The following LMX1B variants were observed in gnomAD, a reference collection of about 807,000 sequenced individuals.
The protein encoded by LMX1B is LIM homeobox transcription factor 1-beta.
Under a neutral mutation model 51.4 loss-of-function variants are expected in LMX1B, and 12 were observed. The observed-to-expected ratio is 0.23, with a 90% CI of 0.15 to 0.38. LMX1B has a LOEUF of 0.38. LMX1B is among the 10% of genes least tolerant of loss of function. The probability of loss-of-function intolerance (pLI) is 1.00; values close to 1 mark genes in which losing one functional copy is unlikely to be tolerated. For synonymous variants in LMX1B, 237 were observed against 235.4 expected, an observed-to-expected ratio of 1.01 and a Z score of -0.06; for missense variants, 445 against 571.1, an observed-to-expected ratio of 0.78 and a Z score of 2.25.
chr9:126,685,204 C>T (rs931675933), intron 2 of LMX1B, among the ~76,000 whole-genome samples: 1 of 151,988 alleles, frequency 6.6e-6, no homozygotes, highest in South Asian at 2.1e-4. Context: ...TAGCAAGATG[C>T]AAAGGAAGGG....
At position 126,695,551 on chromosome 9, in the gene LMX1B, A is replaced by T. The variant is rs2030294347; in HGVS notation, c.887-288A>T. Among the ~76,000 whole-genome samples, 1 of 152,168 alleles carries T rather than the reference A, an allele frequency of 6.6e-6. No individual in the cohort carries two copies. Among genetic ancestry groups the T allele is most frequent in the South Asian group, 2.1e-4 (1 of 4,828 alleles). On this transcript the variant is annotated intron_variant, in intron 6 of 7. Transcript: ENST00000373474. The surrounding 1 kb of genome is among the most constrained non-coding windows in gnomAD (Gnocchi z 5.2). The stretch of plus-strand genomic sequence containing the variant: ...CTTGGTGCTCCCAGATGCAGCGCAG[A>T]ATCACTATTGCCTGTGTGGGGTCTG...
At chr9:126,655,566 G>T (rs1402976022) in intron 2 of LMX1B, among the ~76,000 whole-genome samples, 1 of 152,146 alleles carries the variant, frequency 6.6e-6, no homozygotes, top group Non-Finnish European at 1.5e-5. Context: ...CTCCTGTTTT[G>T]TTCACGGATG....
chr9:126,639,966 T>C (rs988158715), intron 2 of LMX1B, among the ~76,000 whole-genome samples: 1 of 152,348 alleles, frequency 6.6e-6, no homozygotes, highest in East Asian at 1.9e-4. Context: ...GGTAGTTTAT[T>C]GTTTGGCATT....
At chr9:126,691,671 G>T (rs2118988677) in intron 3 of LMX1B, among the ~76,000 whole-genome samples, 1 of 152,162 alleles carries the variant, frequency 6.6e-6, no homozygotes, top group Middle Eastern at 3.4e-3. Flanking sequence ...GCTCCACAGG[G>T]GTCTTCACCA....
intron 2 of LMX1B, among the ~76,000 whole-genome samples, chr9:126,639,476 C>T (rs1231083892): frequency 6.6e-6 from 1 of 152,262 alleles, no homozygotes; most frequent in African/African-American, 2.4e-5. Flanking sequence ...GGGCTGGAGG[C>T]TCTTCAGCTG....
At chr9:126,645,286 C>T (rs1299883483) in intron 2 of LMX1B, among the ~76,000 whole-genome samples, 1 of 150,132 alleles carries the variant, frequency 6.7e-6, no homozygotes, top group Non-Finnish European at 1.5e-5. Context: ...CTCCCCTGGG[C>T]CTAGTCAGCC....
intron 2 of LMX1B, among the ~76,000 whole-genome samples, chr9:126,647,272 A>G (rs1835919913): frequency 6.6e-6 from 1 of 152,154 alleles, no homozygotes; most frequent in African/African-American, 2.4e-5. Context: ...CAAAGAAATG[A>G]AAGATCCTTC....
chr9:126,614,567 G>C lies in LMX1B; in HGVS notation c.118G>C (p.Ala40Pro). ...GGAGCACGCCCTGCGCCCCGGGCCCGCCACTCTGGGGGTGCTGCTGGGTGA... is the reference window on the plus strand; with the variant it reads ...GGAGCACGCCCTGCGCCCCGGGCCCCCCACTCTGGGGGTGCTGCTGGGTGA... Reference protein sequence around the residue: ...MEEHALRPGPATLGVLLGSDC... With the variant: ...MEEHALRPGPPTLGVLLGSDC... Residue 40 changes from alanine to proline, a missense_variant, in exon 1 of 8, where the codon GCC (alanine) becomes CCC (proline). Ala to Pro is a conservative substitution (Grantham distance 27). Transcript: ENST00000373474. 6.2e-7 allele frequency: 1 copy of C among 1,601,746 alleles called. No homozygotes were observed. Among genetic ancestry groups the C allele is most frequent in the African/African-American group, 1.3e-5 (1 of 74,694 alleles).
intron 2 of LMX1B, among the ~76,000 whole-genome samples, chr9:126,664,614 G>A (rs1383978054): frequency 2.0e-5 from 3 of 152,170 alleles, no homozygotes; most frequent in South Asian, 2.1e-4. Flanking sequence ...GGTGGCTCAC[G>A]CTTGTAATCC....
chr9:126,683,164 G>T (rs1027403901), intron 2 of LMX1B, among the ~76,000 whole-genome samples: 1 of 150,964 alleles, frequency 6.6e-6, no homozygotes, highest in African/African-American at 2.4e-5. Context: ...GCCCGGCCCC[G>T]ACGCGGCGAG....
chr9:126,660,130 C>CTACACTGGCTTCAGAGATTGTCT (rs1836210392), intron 2 of LMX1B, among the ~76,000 whole-genome samples: 4 of 74,408 alleles, frequency 5.4e-5, no homozygotes, highest in African/African-American at 9.9e-5. Context: ...AGAGATTGTC[C>CTACACTGGCTTCAGAGATTGTCT]TGTGTGGGGA....
rs550942133 is a variant in LMX1B at position 126,658,226 on chromosome 9, G to A, written c.327-32610G>A. On this transcript the variant is annotated intron_variant, in intron 2 of 7. Coordinates refer to ENST00000373474, the MANE Select transcript of LMX1B (RefSeq NM_001174147.2). This position sits in a 1 kb window ranked among gnomAD's most constrained non-coding sequence, Gnocchi z 4.0. The stretch of plus-strand genomic sequence containing the variant: ...GAGTGGGACAGGGCAGGAGGGGGGT[G>A]AGTCTACAAAGGGTACCAAATGTCA... 6.6e-6 allele frequency among the ~76,000 whole-genome samples: 1 copy of A among 152,194 alleles called. No individual in the cohort carries two copies. Among genetic ancestry groups the A allele is most frequent in the Non-Finnish European group, 1.5e-5 (1 of 67,988 alleles).
chr9:126,676,066 AT>A (rs990360444), intron 2 of LMX1B, among the ~76,000 whole-genome samples: 4 of 149,012 alleles, frequency 2.7e-5, no homozygotes, highest in African/African-American at 1.0e-4. Context: ...AAAAAAAAAA[AT>A]GTTCAGTAGA....
rs1835543753 is a variant in LMX1B, at chr9:126,626,860, G to A, written c.326+11291G>A. On this transcript the variant is annotated intron_variant, in intron 2 of 7. Transcript: ENST00000373474. This position sits in a 1 kb window ranked among gnomAD's most constrained non-coding sequence, Gnocchi z 4.3. ...CAAACGGCCCGCGGGAACCGGCCGA[G>A]TTCAGAGGGACAGTGGGCCGAAGGG... Among the ~76,000 whole-genome samples the A allele has an allele frequency of 6.6e-6, 1 of 152,174 alleles. No individual in the cohort carries two copies. The highest frequency in any genetic ancestry group is 1.5e-5 in the Non-Finnish European group (1 of 68,032).
At chr9:126,657,156 A>G (rs1277012666) in intron 2 of LMX1B, among the ~76,000 whole-genome samples, 1 of 152,268 alleles carries the variant, frequency 6.6e-6, no homozygotes, top group South Asian at 2.1e-4. Context: ...AAAAAGTAAA[A>G]TAAGTGAGAA....
chr9:126,663,356 A>C (rs1221981470), intron 2 of LMX1B, among the ~76,000 whole-genome samples: 1 of 151,494 alleles, frequency 6.6e-6, no homozygotes, highest in Non-Finnish European at 1.5e-5. Context: ...CCCGGGAGGC[A>C]GAGGTTGCAG....
At chr9:126,693,476 C>T (rs758594625) in intron 4 of LMX1B, 48 bp from the exon 5 acceptor site, 16 of 1,598,392 alleles carry the variant, frequency 1.0e-5, no homozygotes, top group East Asian at 6.7e-5. Context: ...ACCATCTCCC[C>T]GTTGCTGCCC....
chr9:126,655,935 G>T (rs1315875164), intron 2 of LMX1B, among the ~76,000 whole-genome samples: 1 of 152,190 alleles, frequency 6.6e-6, no homozygotes, highest in African/African-American at 2.4e-5. Context: ...CAGCTTCCAA[G>T]AGGAGGCGAA....
chr9:126,693,547 G>C lies in LMX1B; in HGVS notation c.765G>C (p.Glu255Asp). The C allele has an allele frequency of 6.2e-7, 1 of 1,614,126 alleles. No homozygotes were observed. Among genetic ancestry groups the C allele is most frequent in the Non-Finnish European group, 8.5e-7 (1 of 1,179,998 alleles). ...CRKVRETLAA[E>D]TGLSVRVVQV... is the part of the protein sequence containing the mutation. ...AGGTCCGAGAGACACTGGCAGCTGA[G>C]ACGGGCCTCAGTGTGCGCGTGGTCC... is the stretch of plus-strand genomic sequence containing the variant. Residue 255 changes from glutamate (E) to aspartate (D), a missense_variant, in exon 5 of 8, where the codon GAG (glutamate) becomes GAC (aspartate). By Grantham distance (45) the Glu-to-Asp change is conservative (BLOSUM62 2). Transcript: ENST00000373474.
Sources: allele counts gnomAD v4.1 joint callset (sites outside exome capture counted in the v4.1 genomes callset), GRCh38; gene constraint gnomAD v4.1.1; non-coding constraint Gnocchi (gnomAD v3.1); transcripts MANE v1.5; gene names NCBI Gene and HGNC (gene_info 2026-07-23, HGNC 2026-07-21).